Variants in USP33 observed in about 807,000 individuals in gnomAD.
USP33 encodes the protein ubiquitin carboxyl-terminal hydrolase 33.
Under a neutral mutation model 124.2 loss-of-function variants are expected in USP33, and 46 were observed. The ratio of observed to expected loss-of-function variants is 0.37; its 90% confidence interval spans 0.29 to 0.47. The LOEUF is 0.47. Ranked by LOEUF, USP33 falls within the 20% of genes least tolerant of loss-of-function variation. The probability of loss-of-function intolerance (pLI) is 0.99; values close to 1 mark genes in which losing one functional copy is unlikely to be tolerated. For missense variants in USP33, 851 were observed against 1,070.6 expected (o/e 0.79, Z 2.86); for synonymous variants, 350 against 352.3 (o/e 0.99, Z 0.07).
rs1553190691 is a variant in USP33 at position 77,709,902 on chromosome 1, C to CACACAA, written c.2406+1844_2406+1845insTTGTGT. 6.6e-5 allele frequency among the ~76,000 whole-genome samples: 10 copies of CACACAA among 151,786 alleles called. No homozygotes were observed. In the South Asian group the frequency reaches 2.1e-3, roughly 32 times the overall value. ...ACACATACACACACACACACACACACACACACACACGTCCATATTTACTCA... is the reference window on the plus strand; with the variant it reads ...ACACATACACACACACACACACACACACACAAACACACACACGTCCATATTTACTCA... On this transcript the variant is annotated intron_variant, in intron 21 of 23. Transcript: ENST00000370794.
chr1:77,722,743 G>GT (rs1384673152), intron 12 of USP33, among the ~76,000 whole-genome samples: 4 of 151,986 alleles, frequency 2.6e-5, no homozygotes, highest in Non-Finnish European at 5.9e-5. Context: ...TCTTCTTTTT[G>GT]TTTTTGAGAT....
chr1:77,711,196 T>TAAA (rs879435761), intron 21 of USP33, among the ~76,000 whole-genome samples: 1 of 141,004 alleles, frequency 7.1e-6, no homozygotes. Flanking sequence ...GCCAATACAT[T>TAAA]AAAAAAAAAA....
At chr1:77,729,649 C>T (rs1435112353) in intron 9 of USP33, among the ~76,000 whole-genome samples, 2 of 151,138 alleles carry the variant, frequency 1.3e-5, no homozygotes, top group African/African-American at 4.9e-5. Context: ...CCAGCCTGGG[C>T]GATAGAGCAA....
At position 77,717,956 on chromosome 1, in the gene USP33, T is replaced by G; in HGVS notation, c.1829A>C (p.Asp610Ala). 3 of 1,614,034 alleles carry G rather than the reference T, an allele frequency of 1.9e-6. No individual in the cohort carries two copies. The highest frequency in any genetic ancestry group is 2.5e-6 in the Non-Finnish European group (3 of 1,179,956). Residue 610 changes from aspartate to alanine, a missense_variant, in exon 17 of 24, where the codon GAT becomes GCT. Physicochemically the swap from Asp to Ala is moderately radical, Grantham distance 126. Coordinates refer to ENST00000370794, the MANE Select transcript of USP33 (RefSeq NM_201624.3). ...ATCCTTAGCAAGAAATGGCTGAAGA[T>G]CCAAGCCTTCTAGCGGAAATGAAAC... The part of the protein sequence containing the change: ...THVSFPLEGL[D>A]LQPFLAKDSP...
chr1:77,713,018 A>C (rs1557823605), intron 20 of USP33, among the ~76,000 whole-genome samples, 182 bp downstream of exon 20: 1 of 152,236 alleles, frequency 6.6e-6, no homozygotes, highest in Admixed American at 6.5e-5. Flanking sequence ...GAAAAAATTA[A>C]AATTAATTAT....
chr1:77,745,957 T>A (rs1044298353), intron 1 of USP33, among the ~76,000 whole-genome samples: 30 of 151,664 alleles, frequency 2.0e-4, no homozygotes, highest in African/African-American at 6.8e-4. Flanking sequence ...CACCCTAACA[T>A]CACAATGAAA....
chr1:77,755,111 C>T (rs1680678115), intron 1 of USP33, among the ~76,000 whole-genome samples: 1 of 152,086 alleles, frequency 6.6e-6, no homozygotes, highest in African/African-American at 2.4e-5. Flanking sequence ...CACTCTAAGT[C>T]TCACTTTTGA....
intron 9 of USP33, among the ~76,000 whole-genome samples, chr1:77,729,359 TTATC>T (rs1029788895): frequency 1.4e-5 from 2 of 144,606 alleles, no homozygotes; most frequent in African/African-American, 5.2e-5. Context: ...TAATGAGACA[TTATC>T]TCTCTTAAAA....
chr1:77,726,047 T>C (rs1677125665), intron 10 of USP33, among the ~76,000 whole-genome samples: 1 of 152,170 alleles, frequency 6.6e-6, no homozygotes, highest in Non-Finnish European at 1.5e-5. Flanking sequence ...CATCCTGGAT[T>C]CAAGCGATTC....
chr1:77,709,541 A>C (rs1366277975), intron 21 of USP33, among the ~76,000 whole-genome samples: 1 of 150,928 alleles, frequency 6.6e-6, no homozygotes, highest in Non-Finnish European at 1.5e-5. Context: ...ATATATAGAT[A>C]TATATAGATA....
chr1:77,708,677 T>C (rs938033226), intron 21 of USP33, among the ~76,000 whole-genome samples: 4 of 152,236 alleles, frequency 2.6e-5, no homozygotes, highest in African/African-American at 9.6e-5. Context: ...TCAGAATAAG[T>C]TGCTGAACAG....
chr1:77,732,109 TAA>T (rs77932938), intron 7 of USP33, among the ~76,000 whole-genome samples: 22 of 128,950 alleles, frequency 1.7e-4, no homozygotes, highest in African/African-American at 2.5e-4. Context: ...GTCTCTAACT[TAA>T]AAAAAAAAAA....
rs1193161917 is a variant in USP33 at position 77,721,038 on chromosome 1, C to T, written c.1691+134G>A. The stretch of plus-strand genomic sequence containing the variant: ...ATTTGTTTCACAAAACAGCTAATCT[C>T]TATTATTACTAGGATAAACCTTTCT... On this transcript the variant is annotated intron_variant, in intron 15 of 23. Coordinates refer to ENST00000370794, the MANE Select transcript of USP33 (RefSeq NM_201624.3). 6 of 923,600 alleles carry T rather than the reference C, an allele frequency of 6.5e-6. No individual in the cohort carries two copies. In the African/African-American group the frequency reaches 8.5e-5, roughly 13 times the overall value. 57.2% of individuals were successfully genotyped at this position (923,600 alleles called of 1,614,324 possible).
chr1:77,750,318 C>T (rs1479862655), intron 1 of USP33, among the ~76,000 whole-genome samples: 1 of 148,218 alleles, frequency 6.7e-6, no homozygotes, highest in Non-Finnish European at 1.5e-5. Flanking sequence ...GCTCCATCTC[C>T]AAAAAAAGAA....
At position 77,718,602 on chromosome 1, in the gene USP33, A is replaced by G. The variant is rs1310306450; in HGVS notation, c.1731T>C (p.Phe577=). 9 of 1,606,430 alleles carry G rather than the reference A, an allele frequency of 5.6e-6. No homozygotes were observed. Among genetic ancestry groups the G allele is most frequent in the Non-Finnish European group, 7.7e-6 (9 of 1,174,426 alleles). The change falls in exon 16 of 24, where the codon TTT becomes TTC. Residue 577 remains phenylalanine (F), a synonymous_variant. Coordinates refer to ENST00000370794, the MANE Select transcript of USP33 (RefSeq NM_201624.3). ...ATTAAAATAATGCCCATACCTCAGGAAAGTTTTGTACTTTACAAAACTTCA... is the reference window on the plus strand; with the variant it reads ...ATTAAAATAATGCCCATACCTCAGGGAAGTTTTGTACTTTACAAAACTTCA... The part of the protein sequence containing the change: ...NGVKFCKVQN[F]PEILCIHLKR...
chr1:77,700,652 G>C (rs1187073177), intron 22 of USP33, among the ~76,000 whole-genome samples: 1 of 149,842 alleles, frequency 6.7e-6, no homozygotes, highest in Non-Finnish European at 1.5e-5. Flanking sequence ...AATACAAAAA[G>C]CTTTAACTAG....
intron 1 of USP33, among the ~76,000 whole-genome samples, chr1:77,754,432 G>C (rs950153803): frequency 6.6e-6 from 1 of 152,188 alleles, no homozygotes; most frequent in Non-Finnish European, 1.5e-5. Context: ...TCAATGAAGA[G>C]TGCAACAACA....
At chr1:77,702,586 T>C (rs1426544429) in intron 21 of USP33, among the ~76,000 whole-genome samples, 1 of 152,026 alleles carries the variant, frequency 6.6e-6, no homozygotes, top group Non-Finnish European at 1.5e-5. Context: ...GCCTAAGGAA[T>C]GGGTATATGA....
rs1051004106 is a variant in USP33 at position 77,708,492 on chromosome 1, T to G, written c.2406+3255A>C. 3.9e-4 allele frequency among the ~76,000 whole-genome samples: 60 copies of G among 152,332 alleles called. 1 individual carries two copies. The highest frequency in any genetic ancestry group is 1.3e-3 in the African/African-American group (56 of 41,584). ...CTGGGCGTCCTCTTGAATAATTCAC[T>G]TGGGTCCTGATAGTAGCAGTAGCTT... On this transcript the variant is annotated intron_variant, in intron 21 of 23. Transcript: ENST00000370794.
Sources: gnomAD v4.1 joint callset for allele counts (sites outside exome capture counted in the v4.1 genomes callset) on GRCh38, gnomAD v4.1.1 for gene constraint, MANE v1.5 for transcripts, NCBI Gene and HGNC (gene_info 2026-07-23, HGNC 2026-07-21) for gene names.